The following FSTL5 variants were observed in gnomAD, a reference collection of about 807,000 sequenced individuals.
FSTL5 encodes follistatin like 5.
FSTL5 carries 62 observed loss-of-function variants against 89.1 expected under a neutral mutation model. That is an observed-to-expected ratio of 0.70 (90% CI 0.57 to 0.86). The LOEUF (loss-of-function observed/expected upper bound fraction) is 0.86. Among genes scored for constraint, FSTL5 ranks in the 40% least tolerant of loss-of-function variants. FSTL5 has a pLI of 0.00. For synonymous variants in FSTL5, 383 were observed against 346.2 expected (o/e 1.11, Z -1.18); for missense variants, 1,057 against 1,001.6 (o/e 1.06, Z -0.75).
In FSTL5 at chr4:162,107,667, A is replaced by G. The variant is rs116635563; in HGVS notation, c.126+3604T>C. Reference sequence around the variant, plus strand: ...TTTCAGAAATGGACATGGGGATTCTATGGTTGTGCTTATGGAGGAACAAGA... The same window carrying G: ...TTTCAGAAATGGACATGGGGATTCTGTGGTTGTGCTTATGGAGGAACAAGA... On this transcript the variant is annotated intron_variant, in intron 2 of 15. Transcript: ENST00000306100. Among the ~76,000 whole-genome samples the G allele has an allele frequency of 2.0e-3, 310 of 152,290 alleles. 1 individual carries two copies. The highest frequency in any genetic ancestry group is 3.5e-3 in the Non-Finnish European group (239 of 68,026).
At chr4:161,576,117 G>A (rs145042605) in intron 8 of FSTL5, among the ~76,000 whole-genome samples, 10,703 of 152,132 alleles carry the variant, frequency 0.07, 479 homozygotes, top group Middle Eastern at 0.17. Flanking sequence ...TACAAGGGAC[G>A]TGAAGGACCT....
chr4:161,811,155 C>A (rs763999168), intron 4 of FSTL5, among the ~76,000 whole-genome samples: 15 of 151,948 alleles, frequency 9.9e-5, no homozygotes, highest in Non-Finnish European at 1.8e-4. Context: ...TTGGAGAACA[C>A]CTTTTTGTTG....
chr4:161,777,818 G>C (rs1297457215), intron 4 of FSTL5, among the ~76,000 whole-genome samples: 2 of 152,148 alleles, frequency 1.3e-5, no homozygotes, highest in Admixed American at 6.6e-5. Flanking sequence ...TAACGGCCAG[G>C]TGCAGTGGCT....
intron 4 of FSTL5, among the ~76,000 whole-genome samples, chr4:161,794,166 C>T (rs1454246557): frequency 6.6e-6 from 1 of 152,110 alleles, no homozygotes; most frequent in East Asian, 1.9e-4. Context: ...CAAGTGATGC[C>T]TGGGCTGCAT....
intron 4 of FSTL5, among the ~76,000 whole-genome samples, chr4:161,831,231 A>G (rs1212846415): frequency 6.6e-6 from 1 of 151,992 alleles, no homozygotes; most frequent in African/African-American, 2.4e-5. Flanking sequence ...AAATATATGC[A>G]ATAAATTTTA....
At chr4:161,606,846 T>C (rs887362883) in intron 7 of FSTL5, among the ~76,000 whole-genome samples, 1 of 152,094 alleles carries the variant, frequency 6.6e-6, no homozygotes, top group African/African-American at 2.4e-5. Flanking sequence ...ATACAGAATA[T>C]GATGTACCAT....
intron 4 of FSTL5, among the ~76,000 whole-genome samples, chr4:161,895,707 G>C (rs2110771171): frequency 6.6e-6 from 1 of 152,266 alleles, no homozygotes; most frequent in Non-Finnish European, 1.5e-5. Flanking sequence ...GCCAACCACT[G>C]TGATAAAAAA....
intron 1 of FSTL5, among the ~76,000 whole-genome samples, chr4:162,133,626 T>G (rs910029732): frequency 6.6e-6 from 1 of 152,306 alleles, no homozygotes; most frequent in African/African-American, 2.4e-5. Flanking sequence ...GGTGAGTATT[T>G]CAGCTGGTGC....
intron 3 of FSTL5, among the ~76,000 whole-genome samples, chr4:162,014,863 T>C (rs555975008): frequency 6.6e-6 from 1 of 152,138 alleles, no homozygotes; most frequent in African/African-American, 2.4e-5. Context: ...TGGCTTTTCT[T>C]AAAAAAAGAA....
chr4:161,572,969 T>C (rs1020430481), intron 8 of FSTL5, among the ~76,000 whole-genome samples: 5 of 152,166 alleles, frequency 3.3e-5, no homozygotes, highest in Admixed American at 2.6e-4. Context: ...GGGTATGGGG[T>C]AAGCTATTAT....
At chr4:161,853,482 T>C (rs1245970074) in intron 4 of FSTL5, among the ~76,000 whole-genome samples, 1 of 151,970 alleles carries the variant, frequency 6.6e-6, no homozygotes, top group African/African-American at 2.4e-5. Context: ...TGGCCAGGCT[T>C]GTCTCAAACT....
chr4:162,088,314 T>C (rs1730403800), intron 2 of FSTL5, among the ~76,000 whole-genome samples: 1 of 152,036 alleles, frequency 6.6e-6, no homozygotes, highest in East Asian at 1.9e-4. Context: ...CAGAAATGTA[T>C]AGAATTATAA....
chr4:162,101,428 T>C (rs1483581294), intron 2 of FSTL5, among the ~76,000 whole-genome samples: 1 of 152,142 alleles, frequency 6.6e-6, no homozygotes, highest in Non-Finnish European at 1.5e-5. Flanking sequence ...AAAGCTGAAC[T>C]TAAAGAAAAG....
chr4:162,100,423 G>C (rs904093187), intron 2 of FSTL5, among the ~76,000 whole-genome samples: 18 of 152,164 alleles, frequency 1.2e-4, no homozygotes, highest in Middle Eastern at 3.4e-3. Flanking sequence ...ATCCAGGTGT[G>C]GTGAGGAAAT....
chr4:161,456,274 A>C (rs1733347616), intron 14 of FSTL5, among the ~76,000 whole-genome samples: 1 of 152,168 alleles, frequency 6.6e-6, no homozygotes, highest in Admixed American at 6.5e-5. Context: ...TTTTTGTAAG[A>C]CACATATGAC....
chr4:162,056,338 C>G (rs1340872062), intron 2 of FSTL5, among the ~76,000 whole-genome samples: 1 of 151,926 alleles, frequency 6.6e-6, no homozygotes, highest in Non-Finnish European at 1.5e-5. Flanking sequence ...GGAGAAAAAT[C>G]AGTAACCCAT....
intron 7 of FSTL5, among the ~76,000 whole-genome samples, chr4:161,648,896 A>G (rs1202246739): frequency 6.6e-6 from 1 of 152,196 alleles, no homozygotes; most frequent in African/African-American, 2.4e-5. Context: ...ATGTGTACAT[A>G]ACAGTACATT....
rs187515575 is a variant in FSTL5, at chr4:161,559,946, T to C, written c.1016-17253A>G. On this transcript the variant is annotated intron_variant, in intron 8 of 15. Transcript: ENST00000306100. ...TACTGAATACTGCAGGCCAAGCTTGTCCAACCTGTAGCCCCCAGGCCACAT... is the reference window on the plus strand; with the variant it reads ...TACTGAATACTGCAGGCCAAGCTTGCCCAACCTGTAGCCCCCAGGCCACAT... Among the ~76,000 whole-genome samples, 799 of 152,042 alleles carry C rather than the reference T, an allele frequency of 5.3e-3. 4 individuals are homozygous for C. Among genetic ancestry groups the C allele is most frequent in the Middle Eastern group, 0.027 (8 of 294 alleles).
intron 11 of FSTL5, among the ~76,000 whole-genome samples, chr4:161,504,996 T>C (rs1273658444): frequency 6.6e-6 from 1 of 152,100 alleles, no homozygotes; most frequent in Non-Finnish European, 1.5e-5. Context: ...ATTCATATTA[T>C]AGTCCATGAG....
Sources: allele counts gnomAD v4.1 joint callset (sites outside exome capture counted in the v4.1 genomes callset), GRCh38; gene constraint gnomAD v4.1.1; transcripts MANE v1.5; gene names NCBI Gene and HGNC (gene_info 2026-07-23, HGNC 2026-07-21).